Variants in FILIP1 observed in about 807,000 individuals in gnomAD.
FILIP1 encodes the protein filamin-A-interacting protein 1.
In FILIP1, 61 loss-of-function variants were observed where a neutral mutation model predicts 102.1. That is an observed-to-expected ratio of 0.60 (90% CI 0.49 to 0.74). FILIP1 has a LOEUF of 0.74. Ranked by LOEUF, FILIP1 falls within the 30% of genes least tolerant of loss-of-function variation. FILIP1 has a pLI of 0.00. For missense variants in FILIP1, 1,314 were observed against 1,441.2 expected (o/e 0.91, Z 1.43); for synonymous variants, 491 against 526.9 (o/e 0.93, Z 0.93).
chr6:75,368,807 T>G (rs1447712394), intron 2 of FILIP1, among the ~76,000 whole-genome samples: 1 of 152,170 alleles, frequency 6.6e-6, no homozygotes, highest in Non-Finnish European at 1.5e-5. Context: ...TGAGTTTGGA[T>G]TTTGTCACAG....
intron 2 of FILIP1, among the ~76,000 whole-genome samples, chr6:75,388,343 A>G (rs1013939289): frequency 2.6e-5 from 4 of 152,226 alleles, no homozygotes; most frequent in Non-Finnish European, 5.9e-5. Flanking sequence ...CTTTTTGCTT[A>G]GGATTTTCTT....
intron 1 of FILIP1, among the ~76,000 whole-genome samples, chr6:75,463,382 G>A (rs138338365): frequency 0.017 from 2,634 of 152,310 alleles, 34 homozygotes; most frequent in South Asian, 0.063. Context: ...GTGTTTGTGT[G>A]TAGTGGCGGT....
intron 2 of FILIP1, among the ~76,000 whole-genome samples, chr6:75,395,586 C>A (rs1249976258): frequency 6.6e-6 from 1 of 152,116 alleles, no homozygotes; most frequent in Non-Finnish European, 1.5e-5. Flanking sequence ...CCAAAAATTT[C>A]TAAATATATA....
In FILIP1 at chr6:75,292,122, G is replaced by A. The variant is rs573413403; in HGVS notation, c.*3788C>T. ...TTCAATGAAAAATAATAAACTTCTCGTGTACTTAATAAAACTTAAAAGGAA... is the reference window on the plus strand; with the variant it reads ...TTCAATGAAAAATAATAAACTTCTCATGTACTTAATAAAACTTAAAAGGAA... On this transcript the variant is annotated 3_prime_UTR_variant, in exon 7 of 7. Transcript: ENST00000393004. 12 of 152,186 alleles carry A rather than the reference G, an allele frequency of 7.9e-5. No individual in the cohort carries two copies. In the South Asian group the frequency reaches 1.7e-3, roughly 21 times the overall value. 9.4% of individuals were successfully genotyped at this position (152,186 alleles called of 1,614,324 possible). A position where few individuals can be genotyped will look rare whatever the true frequency, so the allele number is the denominator to read the frequency against.
chr6:75,484,222 A>C, intron 1 of FILIP1, among the ~76,000 whole-genome samples: 1 of 152,090 alleles, frequency 6.6e-6, no homozygotes, highest in East Asian at 1.9e-4. Context: ...TTCTCTTGAG[A>C]CAGGAACACA....
At chr6:75,488,111 C>T (rs1779845423) in intron 1 of FILIP1, among the ~76,000 whole-genome samples, 1 of 152,046 alleles carries the variant, frequency 6.6e-6, no homozygotes, top group Non-Finnish European at 1.5e-5. Flanking sequence ...ACACCACTTC[C>T]CAAAAATGGG....
rs1562516055 is a variant in FILIP1 at position 75,372,769 on chromosome 6, AGAAAGAAAGAAAGAAAGAAAGAAAGAAG to A, written c.277-9880_277-9853del. On this transcript the variant is annotated intron_variant, in intron 2 of 5. Transcript: ENST00000237172. ...AAGAAAGAAAGAAAGAAAGAAAGAA[AGAAAGAAAGAAAGAAAGAAAGAAAGAAG>A]GAAAGAAAGAAAGAAAAGAGTTGGT... is the stretch of plus-strand genomic sequence containing the variant. Among the ~76,000 whole-genome samples, 763 of 95,778 alleles carry A rather than the reference AGAAAGAAAGAAAGAAAGAAAGAAAGAAG, an allele frequency of 8.0e-3. 123 individuals carry two copies. The highest frequency in any genetic ancestry group is 0.027 in the African/African-American group (638 of 23,772). 62.8% of individuals were successfully genotyped at this position (95,778 alleles called of 152,430 possible). A position where few individuals can be genotyped will look rare whatever the true frequency, so the allele number is the denominator to read the frequency against.
Position 75,308,561 on chromosome 6 carries a change from A to G in FILIP1, c.*130T>C, listed in dbSNP as rs868766269. 6.7e-7 allele frequency: 1 copy of G among 1,495,122 alleles called. No homozygotes were observed. Among genetic ancestry groups the G allele is most frequent in the Non-Finnish European group, 8.9e-7 (1 of 1,128,406 alleles). The allele number at this position is 1,495,122 out of a possible 1,614,324, so 92.6% of individuals were successfully genotyped here. ...AAAATGGGAAAGACAAATGGTTATTAGTTGGTTATTTTATAAACACAATAT... is the reference window on the plus strand; with the variant it reads ...AAAATGGGAAAGACAAATGGTTATTGGTTGGTTATTTTATAAACACAATAT... On this transcript the variant is annotated 3_prime_UTR_variant, in exon 6 of 6. Transcript: ENST00000237172.
At chr6:75,485,373 G>A (rs1217910678) in intron 1 of FILIP1, among the ~76,000 whole-genome samples, 1 of 152,138 alleles carries the variant, frequency 6.6e-6, no homozygotes, top group African/African-American at 2.4e-5. Flanking sequence ...TTTGGGGATG[G>A]GGAGTTGGGG....
chr6:75,336,087 G>A (rs1452301663), intron 4 of FILIP1, among the ~76,000 whole-genome samples: 2 of 152,036 alleles, frequency 1.3e-5, no homozygotes, highest in Non-Finnish European at 2.9e-5. Flanking sequence ...TTTGTTTTTT[G>A]TTGTTGTTTT....
At chr6:75,335,330 A>G (rs964743532) in intron 4 of FILIP1, among the ~76,000 whole-genome samples, 10 of 152,186 alleles carry the variant, frequency 6.6e-5, no homozygotes, top group African/African-American at 2.4e-4. Context: ...TAAATGGCAA[A>G]AACTGCTGTC....
chr6:75,348,098 T>C (rs1231209679), intron 4 of FILIP1, among the ~76,000 whole-genome samples: 2 of 64,318 alleles, frequency 3.1e-5, no homozygotes, highest in African/African-American at 1.1e-4. Context: ...TACACACACT[T>C]TTCCCTCAAA....
chr6:75,437,590 A>T (rs932863018), intron 1 of FILIP1, among the ~76,000 whole-genome samples: 4 of 152,196 alleles, frequency 2.6e-5, no homozygotes, highest in African/African-American at 7.2e-5. Flanking sequence ...GGTAACTGCC[A>T]CAAGTACAGT....
intron 2 of FILIP1, among the ~76,000 whole-genome samples, chr6:75,397,488 ATG>A (rs902894795): frequency 2.8e-5 from 2 of 71,336 alleles, no homozygotes; most frequent in African/African-American, 6.0e-5. Flanking sequence ...TTAAATATAT[ATG>A]TGTATATATA....
At chr6:75,464,675 A>C (rs186808120) in intron 1 of FILIP1, among the ~76,000 whole-genome samples, 1 of 152,134 alleles carries the variant, frequency 6.6e-6, no homozygotes, top group African/African-American at 2.4e-5. Flanking sequence ...ACTTCATACT[A>C]TTCTCCCAAA....
rs112165104 is a variant in FILIP1 at position 75,319,459 on chromosome 6, C to T, written c.630-4257G>A. 1,048 of 607,916 alleles carry T rather than the reference C, an allele frequency of 1.7e-3. 16 individuals carry two copies. In the African/African-American group the frequency reaches 0.018, roughly 10 times the overall value. 37.7% of individuals were successfully genotyped at this position (607,916 alleles called of 1,614,324 possible). On this transcript the variant is annotated intron_variant, in intron 4 of 5. Transcript: ENST00000237172. ...ATTTCATTTCTCTTTCATAATGGGCCTTGTCCGCCTTTGCCATATCTTCAA... is the reference window on the plus strand; with the variant it reads ...ATTTCATTTCTCTTTCATAATGGGCTTTGTCCGCCTTTGCCATATCTTCAA...
chr6:75,412,000 T>C (rs1777087593), intron 2 of FILIP1, among the ~76,000 whole-genome samples: 1 of 152,042 alleles, frequency 6.6e-6, no homozygotes, highest in Admixed American at 6.5e-5. Context: ...TATAAATTAC[T>C]TTGGGCAGTG....
At chr6:75,486,014 C>CAT (rs1422120338) in intron 1 of FILIP1, among the ~76,000 whole-genome samples, 1 of 151,536 alleles carries the variant, frequency 6.6e-6, no homozygotes, top group South Asian at 2.1e-4. Context: ...CACACACACA[C>CAT]ACACACTCCA....
chr6:75,313,976 GA>G lies in FILIP1; in HGVS notation c.1855del (p.Ser619LeufsTer14). The G allele has an allele frequency of 1.9e-6, 3 of 1,583,832 alleles. No homozygotes were observed. Among genetic ancestry groups the G allele is most frequent in the Non-Finnish European group, 2.6e-6 (3 of 1,169,370 alleles). The stretch of plus-strand genomic sequence containing the variant: ...ATTATCTTCCGGGCAGGTGAGCTCA[GA>G]CCCTTTTCGTGACCTTCCTCTTGTT... The part of the protein sequence containing the change: ...EITRGRSRKG[S>X]ELTCPEDNKI... On this transcript the variant is annotated frameshift_variant, in exon 5 of 6. Coordinates refer to ENST00000237172, the MANE Select transcript of FILIP1 (RefSeq NM_015687.5). LOFTEE classifies it high-confidence loss of function. This position sits in a 1 kb window ranked among gnomAD's most constrained non-coding sequence, Gnocchi z 4.2.
Sources: allele counts gnomAD v4.1 joint callset (sites outside exome capture counted in the v4.1 genomes callset), GRCh38; gene constraint gnomAD v4.1.1; non-coding constraint Gnocchi (gnomAD v3.1); transcripts MANE v1.5; gene names NCBI Gene and HGNC (gene_info 2026-07-23, HGNC 2026-07-21).